Variants in BBS2 observed in about 807,000 individuals in gnomAD.
BBS2 encodes BBSome complex member BBS2.
BBS2 carries 62 observed loss-of-function variants against 83.0 expected under a neutral mutation model. That is an observed-to-expected ratio of 0.75 (90% CI 0.61 to 0.92). BBS2 has a LOEUF of 0.92. BBS2 is among the 40% of genes least tolerant of loss of function. The pLI is 0.00. For missense variants in BBS2, 784 were observed against 901.0 expected, an observed-to-expected ratio of 0.87 and a Z score of 1.66; for synonymous variants, 303 against 326.1, an observed-to-expected ratio of 0.93 and a Z score of 0.76.
intron 1 of BBS2, among the ~76,000 whole-genome samples, chr16:56,518,656 A>C (rs1320183748): frequency 2.9e-5 from 3 of 102,734 alleles, no homozygotes; most frequent in South Asian, 3.3e-4. Context: ...CTCATGTAAT[A>C]AAGTTTTGTG....
intron 17 of BBS2, chr16:56,475,471 G>T (rs769402861): frequency 5.6e-6 from 9 of 1,600,074 alleles, no homozygotes; most frequent in South Asian, 1.1e-5. Flanking sequence ...CTTTCAATAG[G>T]AGCTTTCTGA....
At chr16:56,500,347 C>G (rs2144141216) in intron 11 of BBS2, 2 of 257,628 alleles carry the variant, frequency 7.8e-6, no homozygotes, top group South Asian at 8.6e-5. Flanking sequence ...TGATCTTAGC[C>G]AGGCGTGGTG....
At chr16:56,470,547 A>G in exon 18 of BBS2, 1 of 1,614,166 alleles carries the variant, frequency 6.2e-7, no homozygotes, top group Non-Finnish European at 8.5e-7. Flanking sequence ...GCATGAAGTT[A>G]TTTCGCTCTG....
rs1475271445 is a variant in BBS2, at chr16:56,502,897, T to C, written c.805-89A>G. The stretch of plus-strand genomic sequence containing the variant: ...AAATAAAAATCAGCTTTAAAGGTCA[T>C]TTAGTCTAGCAGTTTTCAAGAGTAT... On this transcript the variant is annotated intron_variant, in intron 7 of 16. Transcript: ENST00000245157. The C allele has an allele frequency of 1.9e-5, 28 of 1,474,324 alleles. No homozygotes were observed. The South Asian group carries it at 3.2e-4, about 17-fold the overall frequency. The allele number at this position is 1,474,324 out of a possible 1,614,324, so 91.3% of individuals were successfully genotyped here. A position where few individuals can be genotyped will look rare whatever the true frequency, so the allele number is the denominator to read the frequency against.
intron 9 of BBS2, 54 bp from the exon 10 acceptor site, chr16:56,501,551 T>G (rs1964275335): frequency 3.1e-6 from 5 of 1,609,488 alleles, no homozygotes; most frequent in Non-Finnish European, 3.4e-6. Context: ...TGAACTAATA[T>G]CAATTTTAAA....
intron 15 of BBS2, among the ~76,000 whole-genome samples, chr16:56,493,974 T>G (rs1407412074): frequency 6.6e-6 from 1 of 152,150 alleles, no homozygotes. Context: ...CCCCCACTTT[T>G]TTTTAAGAGA....
At chr16:56,508,491 T>C (rs1201809197) in intron 5 of BBS2, among the ~76,000 whole-genome samples, 1 of 152,166 alleles carries the variant, frequency 6.6e-6, no homozygotes, top group Non-Finnish European at 1.5e-5. Flanking sequence ...GAATATCTTA[T>C]TTTTTTCTGT....
At chr16:56,507,027 C>A (rs1274165561) in intron 5 of BBS2, among the ~76,000 whole-genome samples, 3 of 152,210 alleles carry the variant, frequency 2.0e-5, no homozygotes, top group Non-Finnish European at 4.4e-5. Flanking sequence ...TTTACACCTA[C>A]AGCTTTTCTA....
Position 56,509,965 on chromosome 16 carries a change from C to A in BBS2, c.604G>T (p.Glu202Ter). ...KEDEIVAEMT[E>*]TEIVTSLCPM... ...GAGGTGGAGCTTCTTACCTCTGTTT[C>A]TGTCATTTCTGCCACAATCTCATCT... is the stretch of plus-strand genomic sequence containing the variant. Residue 202 changes from glutamate to a stop codon, truncating the protein, a stop_gained, in exon 5 of 17, where the codon GAA (glutamate) becomes TAA (stop). Coordinates refer to ENST00000245157, the MANE Select transcript of BBS2 (RefSeq NM_031885.5). LOFTEE classifies it high-confidence loss of function. 6.2e-7 allele frequency: 1 copy of A among 1,614,076 alleles called. No individual in the cohort carries two copies. Among genetic ancestry groups the A allele is most frequent in the Admixed American group, 1.7e-5 (1 of 60,018 alleles).
In BBS2 at chr16:56,500,327, C is replaced by G. The variant is rs1323505074; in HGVS notation, c.1398-420G>C. 1.1e-5 allele frequency: 3 copies of G among 263,440 alleles called. No homozygotes were observed. The Admixed American group carries it at 1.5e-4, about 14-fold the overall frequency. 16.3% of individuals were successfully genotyped at this position (263,440 alleles called of 1,614,324 possible). On this transcript the variant is annotated intron_variant, in intron 11 of 16. Coordinates refer to ENST00000245157, the MANE Select transcript of BBS2 (RefSeq NM_031885.5). ...GATTATGAGATCACCTGACTAAAAACAGAAAATAATGATCTTAGCCAGGCG... is the reference window on the plus strand; with the variant it reads ...GATTATGAGATCACCTGACTAAAAAGAGAAAATAATGATCTTAGCCAGGCG...
At chr16:56,482,846 G>A (rs1272179411), downstream of BBS2, among the ~76,000 whole-genome samples, 4 of 152,056 alleles carry the variant, frequency 2.6e-5, no homozygotes, top group Admixed American at 6.6e-5. Flanking sequence ...TCCATCTCCC[G>A]GCCTCCCCTG....
At chr16:56,474,926 T>A (rs746704520) in intron 17 of BBS2, 1 of 1,614,026 alleles carries the variant, frequency 6.2e-7, no homozygotes, top group Non-Finnish European at 8.5e-7. Flanking sequence ...TGCCCTAGAC[T>A]TAATTCTGTA....
downstream of BBS2, among the ~76,000 whole-genome samples, chr16:56,482,622 G>C (rs1007114255): frequency 6.6e-6 from 1 of 152,134 alleles, no homozygotes; most frequent in Non-Finnish European, 1.5e-5. Flanking sequence ...AGGGGCCATC[G>C]TAAAGTGGCC....
chr16:56,508,498 CTGTTT>C (rs1364043396), intron 5 of BBS2, among the ~76,000 whole-genome samples: 1 of 151,984 alleles, frequency 6.6e-6, no homozygotes, highest in South Asian at 2.1e-4. Flanking sequence ...TTATTTTTTT[CTGTTT>C]GAGTCTTGCC....
intron 2 of BBS2, among the ~76,000 whole-genome samples, chr16:56,512,924 A>C (rs1964618841): frequency 1.3e-5 from 2 of 152,238 alleles, no homozygotes; most frequent in Admixed American, 1.3e-4. Context: ...AAGCTGAGGC[A>C]GGAAGACTGC....
chr16:56,493,073 A>C (rs1157253784), intron 15 of BBS2, among the ~76,000 whole-genome samples: 1 of 152,140 alleles, frequency 6.6e-6, no homozygotes, highest in African/African-American at 2.4e-5. Context: ...GAAATCTCCA[A>C]GATATATTTT....
intron 17 of BBS2, chr16:56,476,774 C>T (rs1312736110): frequency 6.6e-6 from 1 of 152,292 alleles, no homozygotes; most frequent in Non-Finnish European, 1.5e-5. Flanking sequence ...ACTGGTTTCA[C>T]TTAGCATAAA....
downstream of BBS2, among the ~76,000 whole-genome samples, chr16:56,483,189 T>C (rs1963690260): frequency 6.6e-6 from 1 of 152,182 alleles, no homozygotes; most frequent in African/African-American, 2.4e-5. Flanking sequence ...AACTGTAACA[T>C]AATGCTAAGT....
chr16:56,481,474 G>A (rs1305444188), downstream of BBS2, among the ~76,000 whole-genome samples: 4 of 152,166 alleles, frequency 2.6e-5, no homozygotes, highest in African/African-American at 7.2e-5. Flanking sequence ...AGGCAGTCAT[G>A]GTGGGAAATA....
Sources: gnomAD v4.1 joint callset for allele counts (sites outside exome capture counted in the v4.1 genomes callset) on GRCh38, gnomAD v4.1.1 for gene constraint, MANE v1.5 for transcripts, NCBI Gene and HGNC (gene_info 2026-07-23, HGNC 2026-07-21) for gene names.